The following ROR2 variants were observed in gnomAD, a reference collection of about 807,000 sequenced individuals.
ROR2 encodes ROR family WNT receptor 2, also known as tyrosine-protein kinase transmembrane receptor ROR2.
In ROR2, 33 loss-of-function variants were observed where a neutral mutation model predicts 74.9. The ratio of observed to expected loss-of-function variants is 0.44; its 90% CI spans 0.33 to 0.59. The LOEUF is 0.59. ROR2 is among the 20% of genes least tolerant of loss of function. The pLI is 0.02. For synonymous variants in ROR2, 586 were observed against 558.7 expected (o/e 1.05, Z -0.69); for missense variants, 1,216 against 1,313.8 (o/e 0.93, Z 1.15).
At chr9:91,885,868 CTT>C (rs542499117) in intron 1 of ROR2, among the ~76,000 whole-genome samples, 21 of 108,140 alleles carry the variant, frequency 1.9e-4, no homozygotes, top group African/African-American at 6.0e-4. Flanking sequence ...GTATGGTTTC[CTT>C]TTTTTTTTTT....
intron 1 of ROR2, among the ~76,000 whole-genome samples, chr9:91,800,826 G>A (rs185713808): frequency 6.6e-6 from 1 of 152,310 alleles, no homozygotes; most frequent in East Asian, 1.9e-4. Context: ...ACACACACTG[G>A]CTTGCAGACA....
intron 2 of ROR2, 140 bp from the exon 3 acceptor site, chr9:91,757,699 A>C (rs1488540746): frequency 1.1e-5 from 10 of 871,978 alleles, no homozygotes; most frequent in Non-Finnish European, 1.6e-5. Context: ...ATCTGCGGTA[A>C]TTATCTTCTA....
chr9:91,747,782 C>T (rs531051751), intron 4 of ROR2, among the ~76,000 whole-genome samples: 1 of 152,242 alleles, frequency 6.6e-6, no homozygotes, highest in South Asian at 2.1e-4. Flanking sequence ...GAAACAGAAT[C>T]AGGGTCACTG....
chr9:91,789,772 C>T (rs1035381007), intron 1 of ROR2, among the ~76,000 whole-genome samples: 2 of 151,976 alleles, frequency 1.3e-5, no homozygotes, highest in African/African-American at 4.8e-5. Flanking sequence ...ATAAAAAAGA[C>T]ACAATTATGA....
chr9:91,930,198 A>G (rs7032998), intron 1 of ROR2, among the ~76,000 whole-genome samples: 7,723 of 152,270 alleles, frequency 0.051, 237 homozygotes, highest in African/African-American at 0.082. Flanking sequence ...TAGGTCCCAC[A>G]TGCTGGAAAC....
chr9:91,784,974 T>A (rs1826746826), intron 1 of ROR2, among the ~76,000 whole-genome samples: 1 of 152,126 alleles, frequency 6.6e-6, no homozygotes, highest in Non-Finnish European at 1.5e-5. Context: ...ATTAGGTGGA[T>A]GAATGAATGA....
intron 1 of ROR2, among the ~76,000 whole-genome samples, chr9:91,911,602 A>C (rs1038450613): frequency 2.6e-5 from 4 of 152,192 alleles, no homozygotes; most frequent in Admixed American, 2.6e-4. Flanking sequence ...TAGTAAATGC[A>C]GAAGAGATGG....
intron 1 of ROR2, among the ~76,000 whole-genome samples, chr9:91,869,639 A>G (rs1025388577): frequency 6.6e-6 from 1 of 151,906 alleles, no homozygotes; most frequent in African/African-American, 2.4e-5. Context: ...GACAGAAAAA[A>G]AGACAAGTGG....
intron 1 of ROR2, among the ~76,000 whole-genome samples, chr9:91,791,400 C>T (rs1353620775): frequency 1.3e-5 from 2 of 152,108 alleles, no homozygotes; most frequent in African/African-American, 4.8e-5. Flanking sequence ...CTCTATGATG[C>T]TCACACAATG....
intron 1 of ROR2, among the ~76,000 whole-genome samples, chr9:91,805,702 C>A (rs536301662): frequency 3.3e-5 from 5 of 152,162 alleles, no homozygotes; most frequent in African/African-American, 1.2e-4. Flanking sequence ...TATGAACATA[C>A]GTACACACAC....
At chr9:91,949,074 C>CG (rs1195012887) in intron 1 of ROR2, among the ~76,000 whole-genome samples, 2 of 151,628 alleles carry the variant, frequency 1.3e-5, no homozygotes. Flanking sequence ...ACCTAGGAGC[C>CG]GGGCCCCGCC....
chr9:91,771,794 C>T (rs1461228057), intron 2 of ROR2, among the ~76,000 whole-genome samples: 1 of 152,078 alleles, frequency 6.6e-6, no homozygotes, highest in African/African-American at 2.4e-5. Context: ...GACATCTGAA[C>T]AAAAACACAT....
intron 7 of ROR2, 48 bp downstream of exon 7, chr9:91,730,862 G>T (rs747113607): frequency 2.9e-5 from 46 of 1,612,638 alleles, no homozygotes; most frequent in African/African-American, 6.7e-5. Flanking sequence ...TCATCACAAG[G>T]TTCACTCAAC....
intron 1 of ROR2, among the ~76,000 whole-genome samples, chr9:91,909,564 C>T (rs1305940425): frequency 1.3e-5 from 2 of 148,932 alleles, no homozygotes; most frequent in African/African-American, 5.0e-5. Flanking sequence ...GTTGCCCAGG[C>T]TGCTCTCAAA....
intron 1 of ROR2, among the ~76,000 whole-genome samples, chr9:91,900,661 T>C (rs956081998): frequency 6.6e-6 from 1 of 152,152 alleles, no homozygotes; most frequent in Non-Finnish European, 1.5e-5. Context: ...GTCGGTTCCA[T>C]GGACTGGGGG....
intron 1 of ROR2, among the ~76,000 whole-genome samples, chr9:91,930,096 C>T (rs1831511939): frequency 6.6e-6 from 1 of 152,144 alleles, no homozygotes; most frequent in African/African-American, 2.4e-5. Context: ...GGAAACCAAC[C>T]CAGCCACCAT....
chr9:91,740,569 T>C (rs1338133353), intron 4 of ROR2, among the ~76,000 whole-genome samples: 2 of 149,216 alleles, frequency 1.3e-5, no homozygotes, highest in Non-Finnish European at 3.0e-5. Flanking sequence ...GGGGGGAATA[T>C]ATATATGTAT....
intron 7 of ROR2, 31 bp from the exon 8 acceptor site, chr9:91,726,774 A>G (rs1200236213): frequency 6.2e-7 from 1 of 1,607,746 alleles, no homozygotes; most frequent in African/African-American, 1.3e-5. Flanking sequence ...GTGATTTTTC[A>G]GAAAACATCC....
intron 4 of ROR2, 152 bp from the exon 5 acceptor site, chr9:91,737,670 C>T: frequency 1.9e-6 from 2 of 1,036,868 alleles, no homozygotes; most frequent in East Asian, 2.6e-5. Flanking sequence ...ATAAGTCACA[C>T]AAAAACCTGT....
Sources: allele counts gnomAD v4.1 joint callset (sites outside exome capture counted in the v4.1 genomes callset), GRCh38; gene constraint gnomAD v4.1.1; transcripts MANE v1.5; gene names NCBI Gene and HGNC (gene_info 2026-07-23, HGNC 2026-07-21).